Variants in POTEF observed in about 807,000 individuals in gnomAD.
The protein encoded by POTEF is POTE ankyrin domain family member F.
A neutral mutation model predicts 83.2 loss-of-function variants in POTEF; 20 were observed. That is an observed-to-expected ratio of 0.24 (90% CI 0.17 to 0.35). POTEF has a LOEUF of 0.35. Ranked by LOEUF, POTEF falls within the 10% of genes least tolerant of loss-of-function variation. POTEF has a pLI of 1.00. For missense variants in POTEF, 550 were observed against 1,203.2 expected, an observed-to-expected ratio of 0.46 and a Z score of 8.03; for synonymous variants, 196 against 446.4, an observed-to-expected ratio of 0.44 and a Z score of 7.07.
At chr2:130,109,758 G>C in intron 7 of POTEF, 1 of 151,290 alleles carries the variant, frequency 6.6e-6, no homozygotes, top group Non-Finnish European at 1.5e-5. Context: ...GAAGGTCTCA[G>C]CTAATTCCTG....
At chr2:130,112,980 C>T (rs1479306926) in intron 5 of POTEF, among the ~76,000 whole-genome samples, 1 of 151,782 alleles carries the variant, frequency 6.6e-6, no homozygotes, top group Non-Finnish European at 1.5e-5. Flanking sequence ...TTTCTAAAGA[C>T]CTTCTGAACG....
chr2:130,128,708 G>C (rs1476832395), intron 1 of POTEF, among the ~76,000 whole-genome samples: 1 of 151,866 alleles, frequency 6.6e-6, no homozygotes, highest in Non-Finnish European at 1.5e-5. Flanking sequence ...AGTAAGGGCA[G>C]TGCAGCACCC....
chr2:130,102,962 C>T (rs1684414751), intron 8 of POTEF, among the ~76,000 whole-genome samples: 3 of 151,490 alleles, frequency 2.0e-5, no homozygotes, highest in Admixed American at 1.3e-4. Context: ...TCTCCTGCCT[C>T]CTGCTTTCTG....
intron 7 of POTEF, among the ~76,000 whole-genome samples, 193 bp downstream of exon 7, chr2:130,110,350 C>T (rs549108925): frequency 0.013 from 2,033 of 150,600 alleles, 20 homozygotes; most frequent in Non-Finnish European, 0.022. Context: ...TAAAGAATCC[C>T]GCACCCATTG....
rs1684592595 is a variant in POTEF at position 130,108,074 on chromosome 2, CA to C, written c.1060del (p.Cys354AlafsTer13). The C allele has an allele frequency of 6.3e-7, 1 of 1,599,836 alleles. No individual in the cohort carries two copies. Among genetic ancestry groups the C allele is most frequent in the Non-Finnish European group, 8.5e-7 (1 of 1,176,660 alleles). ...YAVSSHHHVI[C>X]QLLSDYKEKQ... ...TTCTTTGTAGTCAGAAAGTAACTGGCAAATTCTATGTATAAAAATGTAATAA... is the reference window on the plus strand; with the variant it reads ...TTCTTTGTAGTCAGAAAGTAACTGGCAATTCTATGTATAAAAATGTAATAA... On this transcript the variant is annotated frameshift_variant, in exon 8 of 17. Coordinates refer to ENST00000409914, the MANE Select transcript of POTEF (RefSeq NM_001099771.2). LOFTEE classifies it high-confidence loss of function.
chr2:130,104,079 T>C (rs1372087381), intron 8 of POTEF, among the ~76,000 whole-genome samples: 1 of 149,700 alleles, frequency 6.7e-6, no homozygotes, highest in African/African-American at 2.5e-5. Context: ...ACTGAACAAT[T>C]ATTCATTAAG....
intron 5 of POTEF, 114 bp from the exon 6 acceptor site, chr2:130,112,215 A>T: frequency 8.2e-7 from 1 of 1,224,024 alleles, no homozygotes; most frequent in Non-Finnish European, 1.1e-6. Flanking sequence ...AAGTAAATAA[A>T]ATGTAGTCAC....
At chr2:130,117,929 T>A (rs1684883013) in intron 3 of POTEF, among the ~76,000 whole-genome samples, 1 of 138,060 alleles carries the variant, frequency 7.2e-6, no homozygotes, top group African/African-American at 2.7e-5. Flanking sequence ...AAACAGTATT[T>A]CATTCCTTTT....
chr2:130,075,150 G>A lies in POTEF; in HGVS notation c.2322C>T (p.Gly774=), dbSNP rs1573588446. ...ILTLKYPMEH[G]IITNWDDMEK... ...CCATGTCATCCCAGTTGGTGATGAT[G>A]CCGTGTTCCATGGGGTACTTCAGGG... Residue 774 remains glycine, a synonymous_variant, in exon 17 of 17, where the codon GGC becomes GGT. Coordinates refer to ENST00000409914, the MANE Select transcript of POTEF (RefSeq NM_001099771.2). 4 of 1,613,536 alleles carry A rather than the reference G, an allele frequency of 2.5e-6. No homozygotes were observed. The highest frequency in any genetic ancestry group is 1.7e-4 in the Middle Eastern group (1 of 5,914).
intron 2 of POTEF, among the ~76,000 whole-genome samples, chr2:130,127,214 A>C (rs1685112227): frequency 6.6e-6 from 1 of 150,714 alleles, no homozygotes; most frequent in Admixed American, 6.6e-5. Flanking sequence ...AGTCCCAGCT[A>C]CTAGGGAGGC....
chr2:130,080,182 C>A (rs1683913231), intron 15 of POTEF, among the ~76,000 whole-genome samples: 2 of 93,058 alleles, frequency 2.1e-5, no homozygotes, highest in East Asian at 3.5e-4. Flanking sequence ...TTTAAAATAT[C>A]TAAATGTCAT....
intron 2 of POTEF, among the ~76,000 whole-genome samples, chr2:130,127,324 CAAAAAAAAA>C (rs57173649): frequency 4.0e-4 from 5 of 12,448 alleles, no homozygotes; most frequent in Non-Finnish European, 5.5e-4. Flanking sequence ...GACTCTGTCT[CAAAAAAAAA>C]AAAAAAAAAA....
At chr2:130,122,081 GTTACGTGTGAC>G (rs1685013799) in intron 2 of POTEF, among the ~76,000 whole-genome samples, 1 of 150,202 alleles carries the variant, frequency 6.7e-6, no homozygotes, top group Non-Finnish European at 1.5e-5. Context: ...TAATAATATA[GTTACGTGTGAC>G]TTACTACTTT....
intron 2 of POTEF, chr2:130,121,016 G>T (rs1414526209): frequency 1.4e-5 from 3 of 220,516 alleles, no homozygotes; most frequent in African/African-American, 3.0e-5. Context: ...CGCGCGTGCG[G>T]CGTGCGCGTG....
chr2:130,118,287 TCTAA>T (rs936496507), intron 3 of POTEF, among the ~76,000 whole-genome samples: 1 of 151,946 alleles, frequency 6.6e-6, no homozygotes, highest in African/African-American at 2.4e-5. Flanking sequence ...TCATTCCTCT[TCTAA>T]CTTACATTCC....
At chr2:130,105,936 T>C (rs1684514050) in intron 8 of POTEF, among the ~76,000 whole-genome samples, 1 of 150,622 alleles carries the variant, frequency 6.6e-6, no homozygotes, top group Admixed American at 6.6e-5. Context: ...ATCAGGTATT[T>C]ACCTTCCCAG....
At chr2:130,088,534 C>CTAA (rs748734957) in intron 12 of POTEF, among the ~76,000 whole-genome samples, 1,364 of 6,126 alleles carry the variant, frequency 0.22, 1 homozygote, top group South Asian at 0.3. Flanking sequence ...CAACATCTTC[C>CTAA]TAATATCTAA....
chr2:130,075,614 T>C (rs2104772888), intron 16 of POTEF, 42 bp from the exon 17 acceptor site: 1 of 1,574,638 alleles, frequency 6.4e-7, no homozygotes, highest in Non-Finnish European at 8.6e-7. Context: ...CTCAATAGAT[T>C]GACATATCAT....
intron 3 of POTEF, among the ~76,000 whole-genome samples, chr2:130,118,061 C>T (rs1347746150): frequency 5.9e-5 from 9 of 151,688 alleles, no homozygotes; most frequent in Non-Finnish European, 1.2e-4. Flanking sequence ...TTGCTTCAGC[C>T]TTCTAAGTAG....
Sources: allele counts gnomAD v4.1 joint callset (sites outside exome capture counted in the v4.1 genomes callset), GRCh38; gene constraint gnomAD v4.1.1; transcripts MANE v1.5; gene names NCBI Gene and HGNC (gene_info 2026-07-23, HGNC 2026-07-21).